The following GABBR2 variants were observed in gnomAD, a reference collection of about 807,000 sequenced individuals.
GABBR2 encodes gamma-aminobutyric acid type B receptor subunit 2.
A neutral mutation model predicts 105.6 loss-of-function variants in GABBR2; 23 were observed. The observed-to-expected ratio is 0.22, with a 90% CI of 0.16 to 0.31. GABBR2 has a LOEUF of 0.31. Among genes scored for constraint, GABBR2 ranks in the 10% least tolerant of loss-of-function variants. The pLI is 1.00. For synonymous variants in GABBR2, 478 were observed against 499.7 expected, an observed-to-expected ratio of 0.96 and a Z score of 0.58; for missense variants, 734 against 1,245.5, an observed-to-expected ratio of 0.59 and a Z score of 6.18.
chr9:98,473,099 T>C (rs1480230147), intron 6 of GABBR2, 47 bp downstream of exon 6: 2 of 1,391,532 alleles, frequency 1.4e-6, no homozygotes, highest in Non-Finnish European at 2.0e-6. Context: ...GACAAGATGA[T>C]CAAAGGAGGT....
At chr9:98,607,629 G>T in intron 1 of GABBR2, 1 of 721,724 alleles carries the variant, frequency 1.4e-6, no homozygotes, top group South Asian at 1.6e-5. Context: ...AGCATCCTTG[G>T]GGTATTGCTG....
chr9:98,401,743 G>T (rs1315216150), intron 8 of GABBR2, among the ~76,000 whole-genome samples: 1 of 152,152 alleles, frequency 6.6e-6, no homozygotes, highest in Non-Finnish European at 1.5e-5. Context: ...CTCAAAGTAG[G>T]GTCAAACTAG....
At chr9:98,310,935 T>TGCAGGAACTGAGATAGCATGTG (rs1212858683) in intron 14 of GABBR2, among the ~76,000 whole-genome samples, 160 bp downstream of exon 14, 1 of 152,196 alleles carries the variant, frequency 6.6e-6, no homozygotes, top group Non-Finnish European at 1.5e-5. Context: ...ATAGGGTTGC[T>TGCAGGAACTGAGATAGCATGTG]GCAGGAACTG....
At chr9:98,470,206 T>C (rs1034190542) in intron 6 of GABBR2, among the ~76,000 whole-genome samples, 2 of 152,110 alleles carry the variant, frequency 1.3e-5, no homozygotes, top group African/African-American at 4.8e-5. Flanking sequence ...GTGCAAAATT[T>C]AAGGGAGAGT....
chr9:98,490,335 G>A (rs1186473691), intron 4 of GABBR2, among the ~76,000 whole-genome samples: 4 of 152,150 alleles, frequency 2.6e-5, no homozygotes, highest in Non-Finnish European at 4.4e-5. Context: ...GACTGCTGAT[G>A]ATTTCTGTAA....
intron 12 of GABBR2, among the ~76,000 whole-genome samples, chr9:98,367,228 T>TA (rs1831694872): frequency 7.8e-6 from 1 of 127,924 alleles, no homozygotes; most frequent in Non-Finnish European, 1.6e-5. Flanking sequence ...AAGAAAAGGA[T>TA]AAAAAACTGC....
chr9:98,513,684 G>A (rs374426126), intron 3 of GABBR2, among the ~76,000 whole-genome samples: 4 of 151,986 alleles, frequency 2.6e-5, no homozygotes, highest in Non-Finnish European at 4.4e-5. Flanking sequence ...CATCAGAGAA[G>A]TGCAAATCAA....
intron 9 of GABBR2, 97 bp from the exon 10 acceptor site, chr9:98,389,101 G>A (rs927583276): frequency 2.6e-5 from 27 of 1,038,784 alleles, no homozygotes; most frequent in Non-Finnish European, 3.4e-5. Context: ...CAGGCCCTGC[G>A]CACAAACTCT....
chr9:98,604,770 TCAAAA>T (rs1829387955), intron 1 of GABBR2, among the ~76,000 whole-genome samples: 1 of 152,166 alleles, frequency 6.6e-6, no homozygotes, highest in African/African-American at 2.4e-5. Flanking sequence ...TCTGTAACAC[TCAAAA>T]CAAACATTAT....
At chr9:98,363,062 T>G (rs1831615129) in intron 12 of GABBR2, among the ~76,000 whole-genome samples, 1 of 152,164 alleles carries the variant, frequency 6.6e-6, no homozygotes, top group Non-Finnish European at 1.5e-5. Context: ...ATATGTGCAT[T>G]TTGTTGAAGT....
chr9:98,351,847 G>A (rs185907642), intron 13 of GABBR2, among the ~76,000 whole-genome samples: 36 of 152,216 alleles, frequency 2.4e-4, no homozygotes, highest in African/African-American at 6.3e-4. Flanking sequence ...ATATGTTATT[G>A]GAGAATTATT....
At chr9:98,463,314 T>C (rs1826457730) in intron 6 of GABBR2, among the ~76,000 whole-genome samples, 1 of 152,230 alleles carries the variant, frequency 6.6e-6, no homozygotes, top group Admixed American at 6.5e-5. Context: ...AGATGTCAGT[T>C]TTCCCTAAAT....
chr9:98,405,944 A>G (rs1832482188), intron 8 of GABBR2, 137 bp downstream of exon 8: 2 of 630,212 alleles, frequency 3.2e-6, no homozygotes, highest in Admixed American at 6.1e-5. Context: ...GTTTTCAGAA[A>G]AGTGTTTTCA....
rs148029910 is a variant in GABBR2, at chr9:98,453,990, G to A, written c.1227C>T (p.Phe409=). ...ILNAMNETNF[F]GVTGQVVFRN... ...GAGGCATGGGACTGACCGTGACCCC[G>A]AAGAAGTTGGTCTCGTTCATGGCAT... The change falls in exon 7 of 19, where the codon TTC becomes TTT. Residue 409 remains phenylalanine, a synonymous_variant. Transcript: ENST00000259455. 3.7e-5 allele frequency: 60 copies of A among 1,611,626 alleles called. No homozygotes were observed. In the Middle Eastern group the frequency reaches 5.0e-4, roughly 13 times the overall value.
At chr9:98,394,123 G>T in intron 9 of GABBR2, 52 bp downstream of exon 9, 2 of 1,303,624 alleles carry the variant, frequency 1.5e-6, no homozygotes, top group Non-Finnish European at 2.2e-6. Flanking sequence ...CAATGTCCAG[G>T]CTTGGGAGCA....
chr9:98,369,388 C>A (rs1564034337), intron 12 of GABBR2, among the ~76,000 whole-genome samples: 1 of 152,124 alleles, frequency 6.6e-6, no homozygotes, highest in East Asian at 1.9e-4. Context: ...TGAAGAAGAA[C>A]CTTGGCAGTG....
At chr9:98,607,214 C>T in intron 1 of GABBR2, 1 of 1,541,850 alleles carries the variant, frequency 6.5e-7, no homozygotes. Flanking sequence ...TTGCTGGCAG[C>T]CTTACAATCG....
chr9:98,329,092 C>T (rs16914928), intron 13 of GABBR2, among the ~76,000 whole-genome samples: 15,224 of 152,208 alleles, frequency 0.1, 856 homozygotes, highest in Middle Eastern at 0.19. Flanking sequence ...TGAAACCCCA[C>T]GTGGCAACCC....
chr9:98,462,394 A>C (rs759861189), intron 6 of GABBR2, among the ~76,000 whole-genome samples: 1 of 152,216 alleles, frequency 6.6e-6, no homozygotes, highest in Admixed American at 6.5e-5. Flanking sequence ...TAAATAATAC[A>C]TATAACTGTC....
Sources: gnomAD v4.1 joint callset for allele counts (sites outside exome capture counted in the v4.1 genomes callset) on GRCh38, gnomAD v4.1.1 for gene constraint, MANE v1.5 for transcripts, NCBI Gene and HGNC (gene_info 2026-07-23, HGNC 2026-07-21) for gene names.